The following DNAH1 variants were observed in gnomAD, a reference collection of about 807,000 sequenced individuals.
DNAH1 encodes the protein axonemal beta dynein heavy chain 1.
A neutral mutation model predicts 484.3 loss-of-function variants in DNAH1; 327 were observed. That is an observed-to-expected ratio of 0.68 (90% CI 0.62 to 0.74). The LOEUF is 0.74. DNAH1 is among the 30% of genes least tolerant of loss of function. The pLI, the probability that DNAH1 is intolerant of heterozygous loss-of-function variation, is 0.00. For synonymous variants in DNAH1, 2,192 were observed against 2,191.9 expected (o/e 1.00, Z 0.00); for missense variants, 5,052 against 5,546.8 (o/e 0.91, Z 2.83).
chr3:52,322,168 T>C (rs1477978462), intron 1 of DNAH1, among the ~76,000 whole-genome samples: 1 of 152,042 alleles, frequency 6.6e-6, no homozygotes, highest in Non-Finnish European at 1.5e-5. Flanking sequence ...AGCCCTTAAC[T>C]CTGGGTGGGC....
At chr3:52,324,223 C>T (rs1017548859) in intron 3 of DNAH1, among the ~76,000 whole-genome samples, 1 of 152,180 alleles carries the variant, frequency 6.6e-6, no homozygotes, top group Non-Finnish European at 1.5e-5. Flanking sequence ...GAGGCCAGGA[C>T]TGTCTGAGTT....
intron 51 of DNAH1, 108 bp downstream of exon 51, chr3:52,383,702 C>T (rs1703966283): frequency 3.5e-6 from 5 of 1,409,046 alleles, no homozygotes; most frequent in East Asian, 5.0e-5. Flanking sequence ...GATGAGGAGA[C>T]GCGGCCCTGG....
chr3:52,386,673 G>A lies in DNAH1; in HGVS notation c.8823G>A (p.Met2941Ile). The A allele has an allele frequency of 6.3e-7, 1 of 1,583,182 alleles. No individual in the cohort carries two copies. Among genetic ancestry groups the A allele is most frequent in the Non-Finnish European group, 8.6e-7 (1 of 1,165,072 alleles). The change falls in exon 56 of 78, where the codon ATG becomes ATA. Residue 2941 changes from methionine to isoleucine, a missense_variant. Coordinates refer to ENST00000420323, the MANE Select transcript of DNAH1 (RefSeq NM_015512.5). ...NKNDVTEVRA[M>I]QRPPPGVKLV... Reference sequence around the variant, plus strand: ...GGCTGGGCCTGCAGGTACGTGCCATGCAGCGGCCACCCCCGGGTGTGAAAC... The same window carrying A: ...GGCTGGGCCTGCAGGTACGTGCCATACAGCGGCCACCCCCGGGTGTGAAAC...
At chr3:52,315,441 G>A (rs74721806), upstream of DNAH1, among the ~76,000 whole-genome samples, 652 of 152,352 alleles carry the variant, frequency 4.3e-3, 1 homozygote, top group African/African-American at 0.015. Flanking sequence ...CACAGGGGAG[G>A]GGGTGTGCAG....
Position 52,332,241 on chromosome 3 carries a change from C to T in DNAH1, c.1133C>T (p.Ala378Val). ...PCMFAQRVVQ[A>V]NALRKNTEAL... ...ATGTTCGCACAACGTGTGGTCCAGG[C>T]CAACGCCCTGCGCAAGAACACGGAA... The change falls in exon 8 of 78, where the codon GCC (alanine) becomes GTC (valine). Residue 378 changes from alanine (A) to valine (V), a missense_variant. Transcript: ENST00000420323. 2 of 1,613,908 alleles carry T rather than the reference C, an allele frequency of 1.2e-6. No homozygotes were observed. The highest frequency in any genetic ancestry group is 2.2e-5 in the East Asian group (1 of 44,890).
Position 52,364,892 on chromosome 3 carries a change from C to T in DNAH1, c.5391C>T (p.Asp1797=), listed in dbSNP as rs1415943983. The change falls in exon 34 of 78, where the codon GAC becomes GAT. Residue 1797 remains aspartate, a synonymous_variant. Transcript: ENST00000420323. This position sits in a 1 kb window ranked among gnomAD's most constrained non-coding sequence, Gnocchi z 4.2. ...DVNVPKFLQE[D]LKLFSGIVSD... ...ACGTGCCCAAGTTCCTGCAGGAGGA[C>T]CTCAAGCTCTTCTCTGGCATCGTGT... The T allele has an allele frequency of 1.2e-6, 2 of 1,613,850 alleles. No individual in the cohort carries two copies. Among genetic ancestry groups the T allele is most frequent in the Middle Eastern group, 1.6e-4 (1 of 6,084 alleles).
rs375128845 is a variant in DNAH1 at position 52,376,139 on chromosome 3, G to A, written c.7198+146G>A. ...CCTTGGGCCACTAGGGTGCCAGAGC[G>A]AAGGTTGACACAGGCACTGGCTGCC... On this transcript the variant is annotated intron_variant, in intron 46 of 77. Transcript: ENST00000420323. 55 of 983,156 alleles carry A rather than the reference G, an allele frequency of 5.6e-5. 3 individuals are homozygous for A. In the South Asian group the frequency reaches 8.4e-4, roughly 15 times the overall value. The allele number at this position is 983,156 out of a possible 1,614,324, so 60.9% of individuals were successfully genotyped here.
intron 48 of DNAH1, among the ~76,000 whole-genome samples, chr3:52,380,699 A>C (rs1398722156): frequency 6.6e-6 from 1 of 152,178 alleles, no homozygotes; most frequent in Non-Finnish European, 1.5e-5. Flanking sequence ...CCCACCATGC[A>C]CAGGAGGAAC....
chr3:52,352,053 A>G lies in DNAH1; in HGVS notation c.2821A>G (p.Ile941Val), dbSNP rs1169209648. 2 of 1,590,164 alleles carry G rather than the reference A, an allele frequency of 1.3e-6. No individual in the cohort carries two copies. The highest frequency in any genetic ancestry group is 2.3e-5 in the East Asian group (1 of 43,828). Reference sequence around the variant, plus strand: ...GGAGGATGAGGAGAAGTTCCGCAAAATCCAGATCATGGATCAGAACAACTT... The same window carrying G: ...GGAGGATGAGGAGAAGTTCCGCAAAGTCCAGATCATGGATCAGAACAACTT... ...HVEDEEKFRK[I>V]QIMDQNNFQE... Residue 941 changes from isoleucine to valine, a missense_variant, in exon 17 of 78, where the codon ATC becomes GTC. Ile to Val is a conservative substitution (Grantham distance 29). Transcript: ENST00000420323.
At chr3:52,367,397 G>A (rs920652684) in intron 36 of DNAH1, among the ~76,000 whole-genome samples, 21 of 152,148 alleles carry the variant, frequency 1.4e-4, no homozygotes, top group African/African-American at 5.1e-4. Flanking sequence ...GCCCTGTAGG[G>A]GATGGTCACT....
chr3:52,369,271 C>T (rs918926352), intron 37 of DNAH1, among the ~76,000 whole-genome samples: 15 of 152,222 alleles, frequency 9.9e-5, no homozygotes, highest in Admixed American at 7.9e-4. Flanking sequence ...TTGCCCCAGT[C>T]AGGTCAGGTG....
rs1261220621 is a variant in DNAH1, at chr3:52,395,107, C to T, written c.10968+48C>T. On this transcript the variant is annotated intron_variant, in intron 68 of 77. Coordinates refer to ENST00000420323, the MANE Select transcript of DNAH1 (RefSeq NM_015512.5). This position sits in a 1 kb window ranked among gnomAD's most constrained non-coding sequence, Gnocchi z 4.4. ...GACTGGCACCTTGAGCTTGTCCCCACCCTGGGTCCCAGGGCCCTGGCTGCA... is the reference window on the plus strand; with the variant it reads ...GACTGGCACCTTGAGCTTGTCCCCATCCTGGGTCCCAGGGCCCTGGCTGCA... The T allele has an allele frequency of 1.3e-6, 2 of 1,574,700 alleles. No individual in the cohort carries two copies. The highest frequency in any genetic ancestry group is 1.7e-6 in the Non-Finnish European group (2 of 1,158,992).
rs1559517362 is a variant in DNAH1 at position 52,352,618 on chromosome 3, CGG to C, written c.2939_2940del (p.Arg980ProfsTer31). 1 of 1,612,854 alleles carries C rather than the reference CGG, an allele frequency of 6.2e-7. No individual in the cohort carries two copies. Among genetic ancestry groups the C allele is most frequent in the Non-Finnish European group, 8.5e-7 (1 of 1,179,664 alleles). On this transcript the variant is annotated frameshift_variant, in exon 18 of 78. Coordinates refer to ENST00000420323, the MANE Select transcript of DNAH1 (RefSeq NM_015512.5). LOFTEE classifies it high-confidence loss of function. ...TGCACACGAGATCGCCAACGAGGTGCGGCGTGTCAAGAAGCAGCTGAAGGACT... is the reference window on the plus strand; with the variant it reads ...TGCACACGAGATCGCCAACGAGGTGCCGTGTCAAGAAGCAGCTGAAGGACT... ...SRAHEIANEV[R>X]RVKKQLKDCQ...
At chr3:52,339,976 C>T (rs1390798456) in intron 8 of DNAH1, among the ~76,000 whole-genome samples, 2 of 152,188 alleles carry the variant, frequency 1.3e-5, no homozygotes, top group African/African-American at 2.4e-5. Context: ...TCCCATAAGT[C>T]ATATGCCTTT....
chr3:52,380,215 C>T (rs1578177652), intron 48 of DNAH1, 80 bp downstream of exon 48: 1 of 1,251,644 alleles, frequency 8.0e-7, no homozygotes, highest in Non-Finnish European at 1.1e-6. Context: ...CCCCTGCAGT[C>T]ACCACTAACA....
Position 52,353,731 on chromosome 3 carries a change from T to G in DNAH1, c.3480+98T>G. On this transcript the variant is annotated intron_variant, in intron 20 of 77. Transcript: ENST00000420323. This position sits in a 1 kb window ranked among gnomAD's most constrained non-coding sequence, Gnocchi z 5.0. Reference sequence around the variant, plus strand: ...CCACAGCCACTTGGGAGGATGACAGTAATAAGCCCCATCCCTGGGGTCATG... The same window carrying G: ...CCACAGCCACTTGGGAGGATGACAGGAATAAGCCCCATCCCTGGGGTCATG... The G allele has an allele frequency of 6.7e-7, 1 of 1,501,368 alleles. No homozygotes were observed. The highest frequency in any genetic ancestry group is 9.0e-7 in the Non-Finnish European group (1 of 1,116,546). The allele number at this position is 1,501,368 out of a possible 1,614,324, so 93.0% of individuals were successfully genotyped here.
chr3:52,400,296 T>C (rs1704854236), intron 77 of DNAH1, 29 bp from the exon 78 acceptor site: 2 of 1,613,376 alleles, frequency 1.2e-6, no homozygotes, highest in East Asian at 4.5e-5. Flanking sequence ...GGGCATGACC[T>C]AACCCGTCCC....
At chr3:52,326,038 C>T in intron 3 of DNAH1, 102 bp from the exon 4 acceptor site, 2 of 1,242,560 alleles carry the variant, frequency 1.6e-6, no homozygotes, top group Non-Finnish European at 2.1e-6. Flanking sequence ...TTCCCACACT[C>T]CAAAGCATAC....
chr3:52,326,043 G>T, intron 3 of DNAH1, 97 bp from the exon 4 acceptor site: 5 of 1,268,554 alleles, frequency 3.9e-6, no homozygotes, highest in Non-Finnish European at 5.3e-6. Flanking sequence ...ACACTCCAAA[G>T]CATACTACCT....
Sources: allele counts gnomAD v4.1 joint callset (sites outside exome capture counted in the v4.1 genomes callset), GRCh38; gene constraint gnomAD v4.1.1; non-coding constraint Gnocchi (gnomAD v3.1); transcripts MANE v1.5; gene names NCBI Gene and HGNC (gene_info 2026-07-23, HGNC 2026-07-21).